Variants in C6orf132 observed in about 807,000 individuals in gnomAD.
C6orf132 encodes chromosome 6 open reading frame 132, also known as uncharacterized protein C6orf132.
Under a neutral mutation model 65.3 loss-of-function variants are expected in C6orf132, and 43 were observed. The observed-to-expected ratio is 0.66, with a 90% CI of 0.52 to 0.85. C6orf132 has a LOEUF of 0.85. Among genes scored for constraint, C6orf132 ranks in the 40% least tolerant of loss-of-function variants. The probability of loss-of-function intolerance (pLI) is 0.00; values close to 1 mark genes in which losing one functional copy is unlikely to be tolerated. For missense variants in C6orf132, 1,488 were observed against 1,548.8 expected (o/e 0.96, Z 0.66); for synonymous variants, 631 against 654.1 (o/e 0.96, Z 0.54).
rs1341866565 is a variant in C6orf132 at position 42,105,311 on chromosome 6, A to G, written c.2601T>C (p.Ser867=). 1 of 1,536,762 alleles carries G rather than the reference A, an allele frequency of 6.5e-7. No individual in the cohort carries two copies. Among genetic ancestry groups the G allele is most frequent in the African/African-American group, 1.4e-5 (1 of 72,954 alleles). The change falls in exon 4 of 5, where the codon AGT becomes AGC. Residue 867 remains serine, a synonymous_variant. Coordinates refer to ENST00000341865, the MANE Select transcript of C6orf132 (RefSeq NM_001164446.3). ...AALGRSSLPG[S]LRDHSHQAEA... is the part of the protein sequence containing the mutation. ...CGGCTTGGTGGCTGTGGTCACGGAG[A>G]CTTCCTGGCAGAGAGGACCGACCCA...
chr6:42,106,100 C>T lies in C6orf132; in HGVS notation c.1812G>A (p.Gly604=), dbSNP rs1345628338. 6.5e-7 allele frequency: 1 copy of T among 1,537,202 alleles called. No individual in the cohort carries two copies. The highest frequency in any genetic ancestry group is 8.7e-7 in the Non-Finnish European group (1 of 1,146,898). ...GCTTGGAGAGTTTGTCATCATCAGC[C>T]CCGTTTTCACAAATTCTTCCCCCTT... The part of the protein sequence containing the change: ...RLEGGRICEN[G]ADDDKLSKPV... Residue 604 remains glycine (G), a synonymous_variant, in exon 4 of 5, where the codon GGG becomes GGA. Coordinates refer to ENST00000341865, the MANE Select transcript of C6orf132 (RefSeq NM_001164446.3).
intron 2 of C6orf132, chr6:42,126,339 A>T (rs1244980673): frequency 1.3e-5 from 2 of 151,434 alleles, no homozygotes; most frequent in African/African-American, 4.9e-5. Flanking sequence ...TTGGCCCCCA[A>T]AGTGCTGGGA....
At position 42,105,785 on chromosome 6, in the gene C6orf132, C is replaced by T. The variant is rs1236434478; in HGVS notation, c.2127G>A (p.Lys709=). The T allele has an allele frequency of 3.9e-6, 6 of 1,537,322 alleles. No homozygotes were observed. Among genetic ancestry groups the T allele is most frequent in the Non-Finnish European group, 5.2e-6 (6 of 1,146,930 alleles). ...CTGGCTGGCCAGCTGGGCCTGAGTC[C>T]TTCTCTGCCATCAGTTGGGATGTGG... ...PTTTSQLMAE[K]DSGPAGQPEK... is the part of the protein sequence containing the mutation. Residue 709 remains lysine, a synonymous_variant, in exon 4 of 5, where the codon AAG becomes AAA. Transcript: ENST00000341865.
At chr6:42,130,659 A>G (rs1360255727) in intron 1 of C6orf132, among the ~76,000 whole-genome samples, 1 of 151,830 alleles carries the variant, frequency 6.6e-6, no homozygotes, top group Admixed American at 6.6e-5. Context: ...ATTAATGGCT[A>G]CTCTTATTGG....
intron 2 of C6orf132, among the ~76,000 whole-genome samples, chr6:42,116,566 A>G (rs1185281693): frequency 6.6e-6 from 1 of 152,022 alleles, no homozygotes; most frequent in African/African-American, 2.4e-5. Context: ...CCATTCTCCA[A>G]AGCTGCCACG....
chr6:42,136,804 G>A (rs1410680071), intron 1 of C6orf132, among the ~76,000 whole-genome samples: 1 of 152,158 alleles, frequency 6.6e-6, no homozygotes. Flanking sequence ...GGATGCTGAA[G>A]ATTCGACTGG....
intron 1 of C6orf132, among the ~76,000 whole-genome samples, chr6:42,137,972 C>T (rs530542909): frequency 3.3e-5 from 5 of 152,236 alleles, no homozygotes; most frequent in South Asian, 2.1e-4. Context: ...GCAGCAGAAT[C>T]GCTTGAACCC....
At chr6:42,130,198 C>G (rs1224462938) in intron 1 of C6orf132, among the ~76,000 whole-genome samples, 1 of 152,248 alleles carries the variant, frequency 6.6e-6, no homozygotes, top group African/African-American at 2.4e-5. Flanking sequence ...CCGCACGTCC[C>G]TGGAAACTCC....
At position 42,126,119 on chromosome 6, in the gene C6orf132, TCG is replaced by T. The variant is rs1239208917; in HGVS notation, c.252+2551_252+2552del. 5.5e-4 allele frequency among the ~76,000 whole-genome samples: 84 copies of T among 152,268 alleles called. 1 individual carries two copies. The highest frequency in any genetic ancestry group is 2.9e-5 in the Non-Finnish European group (2 of 68,020). Reference sequence around the variant, plus strand: ...TTTTTTGAGATGGAGTCTCGCTCTGTCGTCCAGGCTGGAGTGCAGTGGTGCAA... The same window carrying T: ...TTTTTTGAGATGGAGTCTCGCTCTGTTCCAGGCTGGAGTGCAGTGGTGCAA... On this transcript the variant is annotated intron_variant, in intron 2 of 4. Transcript: ENST00000341865.
intron 1 of C6orf132, among the ~76,000 whole-genome samples, chr6:42,137,195 A>G (rs1319980410): frequency 1.3e-5 from 2 of 152,176 alleles, no homozygotes; most frequent in African/African-American, 4.8e-5. Flanking sequence ...CCTGGTGACA[A>G]TAATTACATT....
intron 3 of C6orf132, among the ~76,000 whole-genome samples, chr6:42,109,266 C>T (rs1323539530): frequency 6.6e-6 from 1 of 151,984 alleles, no homozygotes; most frequent in Non-Finnish European, 1.5e-5. Flanking sequence ...AACACTGTCT[C>T]TACTAAAAAT....
chr6:42,103,880 TG>T lies in C6orf132; in HGVS notation c.3450-3del, dbSNP rs1562031611. The T allele has an allele frequency of 2.1e-6, 3 of 1,438,900 alleles. No individual in the cohort carries two copies. Among genetic ancestry groups the T allele is most frequent in the Non-Finnish European group, 2.7e-6 (3 of 1,097,546 alleles). 89.1% of individuals were successfully genotyped at this position (1,438,900 alleles called of 1,614,324 possible). On this transcript the variant is annotated splice_region_variant and splice_polypyrimidine_tract_variant and intron_variant, in intron 4 of 4. Coordinates refer to ENST00000341865, the MANE Select transcript of C6orf132 (RefSeq NM_001164446.3). The stretch of plus-strand genomic sequence containing the variant: ...TAGCGGGTGGTGGTGTAGGGAGACC[TG>T]GGGGAGAGCAAGAGATGTGAGGTGA...
At chr6:42,133,035 G>A (rs1308148275) in intron 1 of C6orf132, among the ~76,000 whole-genome samples, 2 of 152,110 alleles carry the variant, frequency 1.3e-5, no homozygotes, top group African/African-American at 2.4e-5. Flanking sequence ...GTCAGAACTG[G>A]GGTCTTCCCA....
At chr6:42,108,064 G>A (rs960442000) in intron 3 of C6orf132, among the ~76,000 whole-genome samples, 5 of 152,130 alleles carry the variant, frequency 3.3e-5, no homozygotes, top group Non-Finnish European at 7.4e-5. Context: ...GACAAGAGTC[G>A]CCTAACCAAG....
At chr6:42,108,701 A>T (rs1766451263) in intron 3 of C6orf132, among the ~76,000 whole-genome samples, 1 of 152,156 alleles carries the variant, frequency 6.6e-6, no homozygotes, top group Non-Finnish European at 1.5e-5. Flanking sequence ...AGATGCTGAG[A>T]GCCCCTGGCC....
At chr6:42,123,939 C>G (rs137858796) in intron 2 of C6orf132, among the ~76,000 whole-genome samples, 2 of 152,306 alleles carry the variant, frequency 1.3e-5, no homozygotes, top group African/African-American at 4.8e-5. Context: ...TTTCCAGAGG[C>G]GGAAGCAGAG....
intron 2 of C6orf132, among the ~76,000 whole-genome samples, chr6:42,120,243 GTTC>G (rs1359411734): frequency 2.7e-5 from 4 of 148,092 alleles, no homozygotes; most frequent in African/African-American, 1.0e-4. Context: ...TTATTGCGAG[GTTC>G]TTTTTTTTTT....
intron 1 of C6orf132, among the ~76,000 whole-genome samples, chr6:42,134,096 T>C (rs1285757635): frequency 1.3e-5 from 2 of 152,100 alleles, no homozygotes; most frequent in Non-Finnish European, 2.9e-5. Context: ...TGGCTGAGGT[T>C]CTGCCCTGGC....
chr6:42,135,468 C>T lies in C6orf132; in HGVS notation c.146-6690G>A, dbSNP rs147555102. The stretch of plus-strand genomic sequence containing the variant: ...GAGCTAGGTACATGCTGCCACAGGA[C>T]GCCCAGCCCTTCTTTTCTCCCTTGC... On this transcript the variant is annotated intron_variant, in intron 1 of 4. Transcript: ENST00000341865. Among the ~76,000 whole-genome samples, 13 of 152,318 alleles carry T rather than the reference C, an allele frequency of 8.5e-5. No homozygotes were observed. The East Asian group carries it at 1.9e-3, about 23-fold the overall frequency.
Sources: allele counts gnomAD v4.1 joint callset (sites outside exome capture counted in the v4.1 genomes callset), GRCh38; gene constraint gnomAD v4.1.1; transcripts MANE v1.5; gene names NCBI Gene and HGNC (gene_info 2026-07-23, HGNC 2026-07-21).